U2AF2: variants seen among roughly 807,000 people sequenced by gnomAD.
U2AF2 encodes the protein U2 small nuclear RNA auxiliary factor 2, also known as splicing factor U2AF 65 kDa subunit.
In U2AF2, 6 loss-of-function variants were observed where a neutral mutation model predicts 52.6. The ratio of observed to expected loss-of-function variants is 0.11; its 90% CI spans 0.06 to 0.23. U2AF2 has a LOEUF of 0.23. Among genes scored for constraint, U2AF2 ranks in the 10% least tolerant of loss-of-function variants. U2AF2 has a pLI of 1.00. For missense variants in U2AF2, 222 were observed against 677.1 expected (o/e 0.33, Z 7.46); for synonymous variants, 284 against 258.2 (o/e 1.10, Z -0.96).
At chr19:55,660,066 C>A (rs1257588024) in intron 2 of U2AF2, 111 bp from the exon 3 acceptor site, 1 of 968,568 alleles carries the variant, frequency 1.0e-6, no homozygotes, top group Non-Finnish European at 1.5e-6. Flanking sequence ...TGCTTGTTGA[C>A]CTCGGCCCTG....
Position 55,659,191 on chromosome 19 carries a change from T to G in U2AF2, c.50-19T>G. The G allele has an allele frequency of 6.5e-7, 1 of 1,529,580 alleles. No homozygotes were observed. 94.8% of individuals were successfully genotyped at this position (1,529,580 alleles called of 1,614,324 possible). A position where few individuals can be genotyped will look rare whatever the true frequency, so the allele number is the denominator to read the frequency against. On this transcript the variant is annotated intron_variant, in intron 1 of 11. Coordinates refer to ENST00000308924, the MANE Select transcript of U2AF2 (RefSeq NM_007279.3). Reference sequence around the variant, plus strand: ...CCTTACTCCGCTTATCCCGTGCCCCTCCTCTCACCCTTGCCCAGAGCGGGA... The same window carrying G: ...CCTTACTCCGCTTATCCCGTGCCCCGCCTCTCACCCTTGCCCAGAGCGGGA...
Position 55,660,624 on chromosome 19 carries a change from G to A in U2AF2, c.334+5G>A. The A allele has an allele frequency of 6.2e-7, 1 of 1,612,554 alleles. No homozygotes were observed. Among genetic ancestry groups the A allele is most frequent in the Non-Finnish European group, 8.5e-7 (1 of 1,179,244 alleles). On this transcript the variant is annotated splice_donor_5th_base_variant and intron_variant, in intron 4 of 11. Coordinates refer to ENST00000308924, the MANE Select transcript of U2AF2 (RefSeq NM_007279.3). ...TGCAGTACAAGGCCATGCAAGGTAG[G>A]CCCCTGGCCAGGCTGCTCCCAGAGC...
In U2AF2 at chr19:55,669,191, C is replaced by T. The variant is rs772218627; in HGVS notation, c.1044+10C>T. ...GCTGGTGAGCCCCCCGGCACGTCAT[C>T]TTCCATTGGCTTGAGGGACCCTGGG... On this transcript the variant is annotated intron_variant, in intron 10 of 11. Coordinates refer to ENST00000308924, the MANE Select transcript of U2AF2 (RefSeq NM_007279.3). 1.2e-6 allele frequency: 2 copies of T among 1,613,234 alleles called. No individual in the cohort carries two copies. Among genetic ancestry groups the T allele is most frequent in the Admixed American group, 1.7e-5 (1 of 59,930 alleles).
At chr19:55,671,229 T>TA (rs1285639413) in intron 11 of U2AF2, 1 of 151,672 alleles carries the variant, frequency 6.6e-6, no homozygotes, top group African/African-American at 2.4e-5. Flanking sequence ...TGGAGAGAAG[T>TA]TGATGGATTT....
chr19:55,660,511 C>CCCCAA lies in U2AF2; in HGVS notation c.231-3_231-2insCAACC. 1 of 1,525,994 alleles carries CCCCAA rather than the reference C, an allele frequency of 6.6e-7. No homozygotes were observed. The highest frequency in any genetic ancestry group is 1.2e-5 in the South Asian group (1 of 86,486). 94.5% of individuals were successfully genotyped at this position (1,525,994 alleles called of 1,614,324 possible). ...TGCCCCGCTCTCCCCTCCCACCTCC[C>CCCCAA]CCAGTCGTTCCCCCCGCCACGAGAA... On this transcript the variant is annotated splice_polypyrimidine_tract_variant and splice_region_variant and intron_variant, in intron 3 of 11. Coordinates refer to ENST00000308924, the MANE Select transcript of U2AF2 (RefSeq NM_007279.3).
chr19:55,660,160 T>TG lies in U2AF2; in HGVS notation c.186-17_186-16insG. ...CCCCAGTCACCCCTCCCCATACCTTTCCCTCCCACCCCCCAGCAAACCTTT... is the reference window on the plus strand; with the variant it reads ...CCCCAGTCACCCCTCCCCATACCTTTGCCCTCCCACCCCCCAGCAAACCTTT... On this transcript the variant is annotated splice_polypyrimidine_tract_variant and intron_variant, in intron 2 of 11. Coordinates refer to ENST00000308924, the MANE Select transcript of U2AF2 (RefSeq NM_007279.3). 1.3e-6 allele frequency: 2 copies of TG among 1,595,012 alleles called. No homozygotes were observed. Among genetic ancestry groups the TG allele is most frequent in the Non-Finnish European group, 1.7e-6 (2 of 1,167,828 alleles).
At chr19:55,670,000 C>T (rs1288115075) in intron 11 of U2AF2, among the ~76,000 whole-genome samples, 2 of 152,114 alleles carry the variant, frequency 1.3e-5, no homozygotes, top group Admixed American at 1.3e-4. Context: ...GGCCCTGCTC[C>T]CCCTTATATG....
intron 6 of U2AF2, 63 bp downstream of exon 6, chr19:55,662,681 C>T (rs1428327129): frequency 1.4e-6 from 2 of 1,458,700 alleles, no homozygotes; most frequent in East Asian, 2.3e-5. Flanking sequence ...AGCCCTTAGG[C>T]TGATGTTGTG....
chr19:55,658,759 G>A (rs1983963000), intron 1 of U2AF2: 1 of 156,534 alleles, frequency 6.4e-6, no homozygotes, highest in Non-Finnish European at 1.4e-5. Context: ...CTGACCCCTA[G>A]TCCTGATGGT....
Position 55,674,557 on chromosome 19 carries a change from T to TGGTCCCCTCC in U2AF2, c.*490_*499dup. On this transcript the variant is annotated 3_prime_UTR_variant, in exon 12 of 12. Transcript: ENST00000308924. Reference sequence around the variant, plus strand: ...TGTTCCTTCGGCCTCTGGTCCTCTCTGGTCCCCTCCTGGGTTTCTTACGTA... The same window carrying TGGTCCCCTCC: ...TGTTCCTTCGGCCTCTGGTCCTCTCTGGTCCCCTCCGGTCCCCTCCTGGGTTTCTTACGTA... The TGGTCCCCTCC allele has an allele frequency of 1.3e-5, 2 of 155,210 alleles. No homozygotes were observed. The highest frequency in any genetic ancestry group is 1.3e-4 in the Admixed American group (2 of 15,580). 9.6% of individuals were successfully genotyped at this position (155,210 alleles called of 1,614,324 possible).
intron 7 of U2AF2, among the ~76,000 whole-genome samples, chr19:55,666,458 A>G (rs1036008063): frequency 6.6e-6 from 1 of 152,208 alleles, no homozygotes; most frequent in Non-Finnish European, 1.5e-5. Context: ...GTTGTCATGT[A>G]ACAGCGGCTG....
chr19:55,664,123 C>G (rs1984393450), intron 7 of U2AF2: 2 of 205,606 alleles, frequency 9.7e-6, no homozygotes, highest in Non-Finnish European at 2.0e-5. Context: ...GGCAGCAAAG[C>G]TGCTGCTGTG....
At position 55,660,729 on chromosome 19, in the gene U2AF2, G is replaced by C. The variant is rs552416983; in HGVS notation, c.334+110G>C. 582 of 1,098,832 alleles carry C rather than the reference G, an allele frequency of 5.3e-4. 1 individual carries two copies. The highest frequency in any genetic ancestry group is 7.2e-4 in the Non-Finnish European group (542 of 758,038). The allele number at this position is 1,098,832 out of a possible 1,614,324, so 68.1% of individuals were successfully genotyped here. Reference sequence around the variant, plus strand: ...GGAGGGGGTCAAAGACACAGGTAGAGGGTTGCACACCCCTGGGGGTTCTGG... The same window carrying C: ...GGAGGGGGTCAAAGACACAGGTAGACGGTTGCACACCCCTGGGGGTTCTGG... On this transcript the variant is annotated intron_variant, in intron 4 of 11. Coordinates refer to ENST00000308924, the MANE Select transcript of U2AF2 (RefSeq NM_007279.3).
rs679577 is a variant in U2AF2 at position 55,668,915 on chromosome 19, T to C, written c.945+123T>C. On this transcript the variant is annotated intron_variant, in intron 9 of 11. Transcript: ENST00000308924. This position sits in a 1 kb window ranked among gnomAD's most constrained non-coding sequence, Gnocchi z 5.5. ...GCGGCCAACCTGAGGCAGTGCCCTG[T>C]GTGTGGGCTCGTCCCTGTCCCATGG... 0.98 allele frequency: 1,484,914 copies of C among 1,519,688 alleles called. 725,520 individuals carry two copies. Among genetic ancestry groups the C allele is most frequent in the East Asian group, 1 (43,704 of 43,870 alleles). The allele number at this position is 1,519,688 out of a possible 1,614,324, so 94.1% of individuals were successfully genotyped here. A position where few individuals can be genotyped will look rare whatever the true frequency, so the allele number is the denominator to read the frequency against.
At chr19:55,672,845 G>A (rs1273712813) in intron 11 of U2AF2, among the ~76,000 whole-genome samples, 3 of 151,424 alleles carry the variant, frequency 2.0e-5, no homozygotes, top group African/African-American at 4.9e-5. Context: ...GGGTTTCACC[G>A]TGTTAGCCAG....
At chr19:55,656,691 A>G (rs777764950) in intron 1 of U2AF2, among the ~76,000 whole-genome samples, 1 of 152,172 alleles carries the variant, frequency 6.6e-6, no homozygotes. Context: ...TTCCACCTCT[A>G]CTGGGGAGGA....
At chr19:55,672,472 T>C (rs1984981717) in intron 11 of U2AF2, among the ~76,000 whole-genome samples, 1 of 152,182 alleles carries the variant, frequency 6.6e-6, no homozygotes, top group Non-Finnish European at 1.5e-5. Flanking sequence ...TGCTGTGCGT[T>C]GTAGGATATT....
rs192019488 is a variant in U2AF2, at chr19:55,660,946, C to T, written c.335-92C>T. Reference sequence around the variant, plus strand: ...AAGACCGAGAGCCTGTAGGAGCTTTCTGCTGAGGAGGGGAACTCCCAGTGT... The same window carrying T: ...AAGACCGAGAGCCTGTAGGAGCTTTTTGCTGAGGAGGGGAACTCCCAGTGT... On this transcript the variant is annotated intron_variant, in intron 4 of 11. Transcript: ENST00000308924. 7.4e-5 allele frequency: 110 copies of T among 1,489,498 alleles called. 1 individual carries two copies. The African/African-American group carries it at 1.4e-3, about 19-fold the overall frequency. The allele number at this position is 1,489,498 out of a possible 1,614,324, so 92.3% of individuals were successfully genotyped here.
At position 55,662,528 on chromosome 19, in the gene U2AF2, C is replaced by T; in HGVS notation, c.513C>T (p.Ala171=). The T allele has an allele frequency of 6.2e-7, 1 of 1,611,594 alleles. No individual in the cohort carries two copies. Among genetic ancestry groups the T allele is most frequent in the Non-Finnish European group, 8.5e-7 (1 of 1,178,974 alleles). Reference sequence around the variant, plus strand: ...AGGCCATGATGGATTTCTTCAACGCCCAGATGCGCCTGGGGGGGCTGACCC... The same window carrying T: ...AGGCCATGATGGATTTCTTCAACGCTCAGATGCGCCTGGGGGGGCTGACCC... ...TEEAMMDFFN[A]QMRLGGLTQA... is the part of the protein sequence containing the mutation. The change falls in exon 6 of 12, where the codon GCC becomes GCT. Residue 171 remains alanine, a synonymous_variant. Coordinates refer to ENST00000308924, the MANE Select transcript of U2AF2 (RefSeq NM_007279.3).
Sources: allele counts gnomAD v4.1 joint callset (sites outside exome capture counted in the v4.1 genomes callset), GRCh38; gene constraint gnomAD v4.1.1; non-coding constraint Gnocchi (gnomAD v3.1); transcripts MANE v1.5; gene names NCBI Gene and HGNC (gene_info 2026-07-23, HGNC 2026-07-21).